The following SMCHD1 variants were observed in gnomAD, a reference collection of about 807,000 sequenced individuals.
SMCHD1 encodes structural maintenance of chromosomes flexible hinge domain containing 1.
Under a neutral mutation model 254.7 loss-of-function variants are expected in SMCHD1, and 78 were observed. The ratio of observed to expected loss-of-function variants is 0.31; its 90% CI spans 0.26 to 0.37. The LOEUF (loss-of-function observed/expected upper bound fraction) is 0.37, where lower values mean the gene tolerates loss of function less well. Among genes scored for constraint, SMCHD1 ranks in the 10% least tolerant of loss-of-function variants. The probability of loss-of-function intolerance (pLI) is 1.00; values close to 1 mark genes in which losing one functional copy is unlikely to be tolerated. For synonymous variants in SMCHD1, 766 were observed against 794.9 expected, an observed-to-expected ratio of 0.96 and a Z score of 0.61; for missense variants, 1,840 against 2,408.1, an observed-to-expected ratio of 0.76 and a Z score of 4.94.
chr18:2,770,108 T>C lies in SMCHD1; in HGVS notation c.4966T>C (p.Cys1656Arg), dbSNP rs748710562. ...CCAACAGCTTCTTAATGAAATGAAA[T>C]GTAAGTCATTTTGTATTCAAGACAA... ...ASQQLLNEMK[C>R]QVEEARLKEA... Residue 1656 changes from cysteine (C) to arginine (R), a missense_variant and splice_region_variant, in exon 39 of 48, where the codon TGT (cysteine) becomes CGT (arginine). By Grantham distance (180) the Cys-to-Arg change is radical. This residue lies in a region of SMCHD1 where 881 missense variants were observed against 1,009.5 expected (regional missense o/e 0.87). Transcript: ENST00000320876. The C allele has an allele frequency of 2.5e-6, 4 of 1,599,870 alleles. No individual in the cohort carries two copies. Among genetic ancestry groups the C allele is most frequent in the Non-Finnish European group, 2.5e-6 (3 of 1,176,710 alleles).
At chr18:2,755,814 G>A (rs535850179) in intron 34 of SMCHD1, among the ~76,000 whole-genome samples, 21 of 151,032 alleles carry the variant, frequency 1.4e-4, no homozygotes, top group African/African-American at 4.6e-4. Flanking sequence ...TGATCCACCC[G>A]CCTTGGCCTC....
At chr18:2,699,970 G>C (rs530914602) in intron 10 of SMCHD1, among the ~76,000 whole-genome samples, 97 of 152,308 alleles carry the variant, frequency 6.4e-4, no homozygotes, top group African/African-American at 2.3e-3. Context: ...TAAGATTATA[G>C]ACAATTGTGC....
chr18:2,708,095 T>C (rs1036363256), intron 17 of SMCHD1, among the ~76,000 whole-genome samples, 175 bp downstream of exon 17: 4 of 152,216 alleles, frequency 2.6e-5, no homozygotes, highest in African/African-American at 9.6e-5. Flanking sequence ...GATATTTTTC[T>C]AAGGTTTTTA....
chr18:2,656,002 G>C lies in SMCHD1; in HGVS notation c.-74G>C, dbSNP rs1239656540. ...CGCCCCGGGAGCTGGAGCTGAAGGC[G>C]CCGCGCGGAGCGCGCACCTCAGCCC... On this transcript the variant is annotated 5_prime_UTR_variant, in exon 1 of 48. Coordinates refer to ENST00000320876, the MANE Select transcript of SMCHD1 (RefSeq NM_015295.3). 2 of 1,206,802 alleles carry C rather than the reference G, an allele frequency of 1.7e-6. No homozygotes were observed. Among genetic ancestry groups the C allele is most frequent in the African/African-American group, 3.1e-5 (2 of 63,570 alleles). The allele number at this position is 1,206,802 out of a possible 1,614,324, so 74.8% of individuals were successfully genotyped here. A position where few individuals can be genotyped will look rare whatever the true frequency, so the allele number is the denominator to read the frequency against.
intron 1 of SMCHD1, among the ~76,000 whole-genome samples, chr18:2,665,783 CA>C (rs2073418992): frequency 6.6e-6 from 1 of 152,054 alleles, no homozygotes; most frequent in East Asian, 1.9e-4. Flanking sequence ...TCTATATGAA[CA>C]TGAGTTATGT....
intron 13 of SMCHD1, among the ~76,000 whole-genome samples, chr18:2,704,468 T>A (rs137989071): frequency 3.7e-4 from 56 of 152,286 alleles, no homozygotes; most frequent in African/African-American, 1.3e-3. Context: ...ATAGGAGATG[T>A]GCTTTGCTCT....
Position 2,655,879 on chromosome 18 carries a change from G to A in SMCHD1, c.-197G>A. ...GAAGTGACGTGGTGCACGGGCAGGA[G>A]CGCGTTTGAATCGGTTCCCGGGTGA... On this transcript the variant is annotated 5_prime_UTR_variant, in exon 1 of 48. Coordinates refer to ENST00000320876, the MANE Select transcript of SMCHD1 (RefSeq NM_015295.3). 2.7e-6 allele frequency: 1 copy of A among 374,570 alleles called. No homozygotes were observed. The highest frequency in any genetic ancestry group is 4.0e-5 in the East Asian group (1 of 25,172). The allele number at this position is 374,570 out of a possible 1,614,324, so 23.2% of individuals were successfully genotyped here. A position where few individuals can be genotyped will look rare whatever the true frequency, so the allele number is the denominator to read the frequency against.
chr18:2,781,792 A>T (rs2076161088), intron 44 of SMCHD1, among the ~76,000 whole-genome samples: 1 of 152,190 alleles, frequency 6.6e-6, no homozygotes, highest in African/African-American at 2.4e-5. Flanking sequence ...TCAGAAAAAA[A>T]TATTCAGACT....
At chr18:2,800,338 G>A (rs2076337811) in intron 47 of SMCHD1, among the ~76,000 whole-genome samples, 1 of 152,058 alleles carries the variant, frequency 6.6e-6, no homozygotes. Flanking sequence ...ATGAAAAGAT[G>A]CCACTACAAA....
chr18:2,738,057 A>T (rs1250275904), intron 25 of SMCHD1, among the ~76,000 whole-genome samples: 1 of 152,212 alleles, frequency 6.6e-6, no homozygotes, highest in African/African-American at 2.4e-5. Flanking sequence ...TCAAAAAATA[A>T]TTGAATATTG....
intron 45 of SMCHD1, among the ~76,000 whole-genome samples, chr18:2,787,444 G>A (rs767500174): frequency 6.6e-5 from 10 of 152,194 alleles, no homozygotes; most frequent in Non-Finnish European, 1.5e-4. Context: ...TTTTTAATTA[G>A]TAGTTGAGAA....
At chr18:2,709,609 C>T (rs2074622164) in intron 17 of SMCHD1, among the ~76,000 whole-genome samples, 2 of 151,950 alleles carry the variant, frequency 1.3e-5, no homozygotes, top group South Asian at 4.2e-4. Context: ...GTGGTTTTTT[C>T]CCCCCTTTTT....
chr18:2,737,493 G>A (rs1467446353), intron 25 of SMCHD1, among the ~76,000 whole-genome samples: 2 of 152,152 alleles, frequency 1.3e-5, no homozygotes, highest in Non-Finnish European at 2.9e-5. Flanking sequence ...GGCTGAGGTG[G>A]GAGGATTGCT....
chr18:2,692,651 G>T (rs1275292588), intron 7 of SMCHD1, among the ~76,000 whole-genome samples: 2 of 152,018 alleles, frequency 1.3e-5, no homozygotes, highest in Non-Finnish European at 2.9e-5. Flanking sequence ...AAACTACCTT[G>T]TTTCCTTTAT....
intron 34 of SMCHD1, among the ~76,000 whole-genome samples, chr18:2,759,313 G>A (rs1057023992): frequency 3.9e-5 from 6 of 152,188 alleles, no homozygotes; most frequent in African/African-American, 1.2e-4. Flanking sequence ...TGATTCAAAG[G>A]AAGTTGCATT....
chr18:2,661,504 TAAA>T (rs1307764302), intron 1 of SMCHD1, among the ~76,000 whole-genome samples: 1 of 150,912 alleles, frequency 6.6e-6, no homozygotes, highest in Non-Finnish European at 1.5e-5. Context: ...TAATATGGAT[TAAA>T]AAACATCTGT....
rs1286025901 is a variant in SMCHD1, at chr18:2,748,368, GTGTGTGTGTGTGTGTA to G, written c.3927+723_3927+738del. Among the ~76,000 whole-genome samples the G allele has an allele frequency of 1.6e-3, 59 of 37,456 alleles. 3 individuals are homozygous for G. The highest frequency in any genetic ancestry group is 5.0e-3 in the African/African-American group (59 of 11,816). 24.6% of individuals were successfully genotyped at this position (37,456 alleles called of 152,430 possible). On this transcript the variant is annotated intron_variant, in intron 30 of 47. Transcript: ENST00000320876. ...TGTGTGTGTGTGTGTGTGTGTGTGT[GTGTGTGTGTGTGTGTA>G]TATAAATTTTTTTTTTTTTTTTTTT...
At chr18:2,727,923 T>G (rs1242702383) in intron 22 of SMCHD1, among the ~76,000 whole-genome samples, 1 of 152,084 alleles carries the variant, frequency 6.6e-6, no homozygotes, top group African/African-American at 2.4e-5. Context: ...TCAGACTGGC[T>G]TACTGTAGAA....
chr18:2,705,905 T>G, intron 14 of SMCHD1, 98 bp downstream of exon 14: 1 of 639,006 alleles, frequency 1.6e-6, no homozygotes, highest in Non-Finnish European at 2.6e-6. Context: ...TAGTTTTCCA[T>G]TGGATAAAGT....
Sources: allele counts gnomAD v4.1 joint callset (sites outside exome capture counted in the v4.1 genomes callset), GRCh38; gene constraint gnomAD v4.1.1; regional missense constraint gnomAD v4.1.1; transcripts MANE v1.5; gene names NCBI Gene and HGNC (gene_info 2026-07-23, HGNC 2026-07-21).